The following MEGF11 variants were observed in gnomAD, a reference collection of about 807,000 sequenced individuals.
MEGF11 encodes the protein multiple EGF like domains 11, also known as multiple epidermal growth factor-like domains protein 11.
MEGF11 carries 126 observed loss-of-function variants against 146.6 expected under a neutral mutation model. That is an observed-to-expected ratio of 0.86 (90% CI 0.74 to 1.00). The LOEUF (loss-of-function observed/expected upper bound fraction) is 1.00. Ranked by LOEUF, MEGF11 falls within the 50% of genes least tolerant of loss-of-function variation. The pLI is 0.00. For missense variants in MEGF11, 1,509 were observed against 1,521.2 expected (o/e 0.99, Z 0.13); for synonymous variants, 532 against 583.4 (o/e 0.91, Z 1.27).
intron 1 of MEGF11, among the ~76,000 whole-genome samples, chr15:66,158,132 T>C (rs977455642): frequency 5.9e-5 from 9 of 152,144 alleles, no homozygotes; most frequent in African/African-American, 1.2e-4. Flanking sequence ...AGATTCATTT[T>C]AGATAATAAA....
intron 11 of MEGF11, 126 bp downstream of exon 11, chr15:65,930,697 G>A: frequency 5.7e-6 from 7 of 1,224,148 alleles, no homozygotes; most frequent in Non-Finnish European, 7.7e-6. Flanking sequence ...AACCAATATA[G>A]GCTCCCTGAC....
chr15:65,953,313 TAGTC>T (rs1295836107), intron 10 of MEGF11, among the ~76,000 whole-genome samples: 1 of 152,208 alleles, frequency 6.6e-6, no homozygotes, highest in Admixed American at 6.5e-5. Context: ...GGCTTGCCAG[TAGTC>T]AGTGTGGGGA....
At position 66,129,137 on chromosome 15, in the gene MEGF11, G is replaced by A. The variant is rs150768200; in HGVS notation, c.-8-726C>T. On this transcript the variant is annotated intron_variant, in intron 1 of 25. Transcript: ENST00000395614. ...CAGCCTATGGCAGGTATGTGCCTAC[G>A]TGGGATGCCAACTCCCTTGCTTCAC... Among the ~76,000 whole-genome samples, 1,128 of 152,336 alleles carry A rather than the reference G, an allele frequency of 7.4e-3. 9 individuals carry two copies. Among genetic ancestry groups the A allele is most frequent in the Non-Finnish European group, 0.013 (857 of 68,022 alleles).
intron 8 of MEGF11, among the ~76,000 whole-genome samples, chr15:65,965,619 T>TCTTTCTTTC (rs2081059626): frequency 8.3e-5 from 10 of 120,020 alleles, no homozygotes; most frequent in Non-Finnish European, 1.5e-4. Context: ...TTTTCTTTTT[T>TCTTTCTTTC]TTTTTTTTGG....
At chr15:65,933,267 AC>A (rs1369226858) in intron 10 of MEGF11, among the ~76,000 whole-genome samples, 6 of 152,238 alleles carry the variant, frequency 3.9e-5, no homozygotes, top group Non-Finnish European at 7.3e-5. Flanking sequence ...GATAAATAGC[AC>A]ATAAGAATCT....
At chr15:66,070,999 A>C (rs1335669536) in intron 5 of MEGF11, among the ~76,000 whole-genome samples, 1 of 152,106 alleles carries the variant, frequency 6.6e-6, no homozygotes, top group Admixed American at 6.5e-5. Context: ...GCTCTGATTC[A>C]TTTCAGCTGT....
intron 7 of MEGF11, among the ~76,000 whole-genome samples, chr15:65,974,586 C>T (rs1242338321): frequency 1.3e-5 from 2 of 152,046 alleles, no homozygotes; most frequent in South Asian, 2.1e-4. Flanking sequence ...ACCTGGGAGG[C>T]GGAGGTTGCA....
At chr15:66,009,995 A>G (rs2082658740) in intron 5 of MEGF11, among the ~76,000 whole-genome samples, 1 of 152,166 alleles carries the variant, frequency 6.6e-6, no homozygotes, top group Admixed American at 6.5e-5. Context: ...GTACCAGTGC[A>G]GAATAATCTT....
intron 13 of MEGF11, among the ~76,000 whole-genome samples, chr15:65,923,907 G>C (rs989663847): frequency 1.3e-5 from 2 of 152,162 alleles, no homozygotes; most frequent in African/African-American, 4.8e-5. Flanking sequence ...AGGCAGAAAG[G>C]CTTCCAGTCT....
intron 5 of MEGF11, among the ~76,000 whole-genome samples, chr15:66,075,075 C>T (rs1250977859): frequency 2.6e-5 from 4 of 152,144 alleles, no homozygotes; most frequent in Non-Finnish European, 5.9e-5. Flanking sequence ...ATATCTTCTC[C>T]CAAACTACAG....
chr15:66,236,224 G>A (rs772884273), intron 1 of MEGF11, among the ~76,000 whole-genome samples: 4 of 152,114 alleles, frequency 2.6e-5, no homozygotes, highest in Non-Finnish European at 5.9e-5. Flanking sequence ...GACCAGAAGC[G>A]GCTTGGTGCT....
Position 65,896,032 on chromosome 15 carries a change from T to G in MEGF11, c.*1902A>C, listed in dbSNP as rs2078353107. On this transcript the variant is annotated 3_prime_UTR_variant, in exon 26 of 26. Coordinates refer to ENST00000395614, the MANE Select transcript of MEGF11 (RefSeq NM_001385028.1). ...GAAGAAGAGAAAACCTGGGATTGAG[T>G]TGAAGTTTCTCCTTGCTGATCTGAC... 1 of 152,206 alleles carries G rather than the reference T, an allele frequency of 6.6e-6. No homozygotes were observed. Among genetic ancestry groups the G allele is most frequent in the Non-Finnish European group, 1.5e-5 (1 of 68,032 alleles). The allele number at this position is 152,206 out of a possible 1,614,324, so 9.4% of individuals were successfully genotyped here.
At chr15:66,014,706 C>T (rs940723024) in intron 5 of MEGF11, among the ~76,000 whole-genome samples, 4 of 152,212 alleles carry the variant, frequency 2.6e-5, no homozygotes, top group Admixed American at 1.3e-4. Flanking sequence ...GGAGATGCCA[C>T]TTTCTGTGAG....
At chr15:66,197,401 T>C (rs1481282756) in intron 1 of MEGF11, among the ~76,000 whole-genome samples, 2 of 152,158 alleles carry the variant, frequency 1.3e-5, no homozygotes, top group African/African-American at 4.8e-5. Context: ...ACTGCTCTCA[T>C]GGAGCTGATG....
chr15:66,191,035 C>T (rs186870364), intron 1 of MEGF11, among the ~76,000 whole-genome samples: 2 of 152,278 alleles, frequency 1.3e-5, no homozygotes, highest in Admixed American at 1.3e-4. Flanking sequence ...GGTGAGGACA[C>T]AGCCCGGCTG....
intron 1 of MEGF11, among the ~76,000 whole-genome samples, chr15:66,211,238 A>T (rs1404703667): frequency 6.6e-6 from 1 of 152,240 alleles, no homozygotes; most frequent in Non-Finnish European, 1.5e-5. Context: ...AAAGAAAATC[A>T]TCCAGCCGGG....
At chr15:66,247,084 T>G (rs546117651) in intron 1 of MEGF11, among the ~76,000 whole-genome samples, 6 of 152,226 alleles carry the variant, frequency 3.9e-5, no homozygotes, top group Non-Finnish European at 7.4e-5. Flanking sequence ...GGCAGAAAGA[T>G]TTTATAACCT....
intron 1 of MEGF11, among the ~76,000 whole-genome samples, chr15:66,148,509 T>C (rs12441502): frequency 0.61 from 93,037 of 151,690 alleles, 28,827 homozygotes; most frequent in East Asian, 0.84. Flanking sequence ...CGACAGGAGG[T>C]TGCCACAGTG....
chr15:65,969,280 C>A (rs950387735), intron 8 of MEGF11, among the ~76,000 whole-genome samples: 3 of 152,192 alleles, frequency 2.0e-5, no homozygotes, highest in African/African-American at 7.2e-5. Context: ...AGAAAGTGGA[C>A]TGAAAAAGGA....
Sources: allele counts gnomAD v4.1 joint callset (sites outside exome capture counted in the v4.1 genomes callset), GRCh38; gene constraint gnomAD v4.1.1; transcripts MANE v1.5; gene names NCBI Gene and HGNC (gene_info 2026-07-23, HGNC 2026-07-21).